ZNF883: variants seen among roughly 807,000 people sequenced by gnomAD.
The protein encoded by ZNF883 is zinc finger protein 883.
At chr9:112,991,489 GT>G in intron 1 of ZNF883, among the ~76,000 whole-genome samples, 1 of 151,642 alleles carries the variant, frequency 6.6e-6, no homozygotes, top group East Asian at 1.9e-4. Context: ...TTACTGAAGA[GT>G]GTTTTACTTC....
downstream of ZNF883, among the ~76,000 whole-genome samples, chr9:112,993,803 GC>G (rs1564331150): frequency 6.6e-6 from 1 of 152,202 alleles, no homozygotes; most frequent in Non-Finnish European, 1.5e-5. Flanking sequence ...ATTGATCAGG[GC>G]CTGGCCTAAA....
At chr9:113,008,836 C>T (rs1828502683) in intron 2 of ZNF883, among the ~76,000 whole-genome samples, 1 of 151,562 alleles carries the variant, frequency 6.6e-6, no homozygotes, top group South Asian at 2.1e-4. Context: ...CCTCCTGTTA[C>T]TATGGAGTAT....
intron 2 of ZNF883, among the ~76,000 whole-genome samples, chr9:113,005,895 T>C (rs1402477457): frequency 6.6e-6 from 1 of 152,160 alleles, no homozygotes; most frequent in Non-Finnish European, 1.5e-5. Context: ...AATGAGTGCA[T>C]GAACAGACTT....
chr9:112,990,958 C>G (rs1828296228), intron 1 of ZNF883, among the ~76,000 whole-genome samples: 1 of 152,092 alleles, frequency 6.6e-6, no homozygotes. Flanking sequence ...GGGGTGATAT[C>G]CCCTTTACCA....
At chr9:113,006,400 G>A (rs1284974495) in intron 2 of ZNF883, among the ~76,000 whole-genome samples, 1 of 152,114 alleles carries the variant, frequency 6.6e-6, no homozygotes, top group Non-Finnish European at 1.5e-5. Context: ...TGCTCCCCAT[G>A]CTACTATACA....
At chr9:112,997,887 A>C in exon 1 of ZNF883, 1 of 1,613,894 alleles carries the variant, frequency 6.2e-7, no homozygotes, top group East Asian at 2.2e-5. Flanking sequence ...TTACAAGGAT[A>C]GGGTTTTTCT....
At chr9:112,998,395 AT>A, upstream of ZNF883, 1 of 668,534 alleles carries the variant, frequency 1.5e-6, no homozygotes, top group Non-Finnish European at 2.2e-6. Context: ...CTAATAAATT[AT>A]TTTTCATTCA....
At chr9:112,990,387 T>G (rs1828290616) in intron 1 of ZNF883, among the ~76,000 whole-genome samples, 1 of 152,194 alleles carries the variant, frequency 6.6e-6, no homozygotes, top group South Asian at 2.1e-4. Context: ...GGTTTTTGTC[T>G]TTAGTTCTGT....
chr9:112,996,323 T>C (rs1264359674), downstream of ZNF883, among the ~76,000 whole-genome samples: 1 of 152,216 alleles, frequency 6.6e-6, no homozygotes, highest in Non-Finnish European at 1.5e-5. Context: ...AGTATCTTTG[T>C]GGGAGAAAAC....
At chr9:112,997,878 T>C in exon 1 of ZNF883, 2 of 1,613,774 alleles carry the variant, frequency 1.2e-6, no homozygotes, top group Non-Finnish European at 1.7e-6. Context: ...CCACATTCAT[T>C]ACAAGGATAG....
upstream of ZNF883, among the ~76,000 whole-genome samples, chr9:113,001,277 A>G (rs1828421020): frequency 6.6e-6 from 1 of 152,110 alleles, no homozygotes; most frequent in African/African-American, 2.4e-5. Flanking sequence ...AAAAGCAAGA[A>G]AACCTTTTTA....
exon 1 of ZNF883, chr9:112,997,448 C>G: frequency 6.2e-7 from 1 of 1,614,056 alleles, no homozygotes; most frequent in South Asian, 1.1e-5. Flanking sequence ...GAAGGTTTTT[C>G]CACATTCTTT....
chr9:113,001,755 A>G (rs189300065), upstream of ZNF883, among the ~76,000 whole-genome samples: 209 of 152,296 alleles, frequency 1.4e-3, 2 homozygotes, highest in African/African-American at 4.4e-3. Context: ...TTGGAAGATA[A>G]TATCAATGGA....
downstream of ZNF883, among the ~76,000 whole-genome samples, chr9:112,992,930 G>A (rs1022062274): frequency 1.6e-4 from 24 of 152,148 alleles, no homozygotes; most frequent in Non-Finnish European, 1.2e-4. Flanking sequence ...GGTCATTTAT[G>A]TTCCTCTCTA....
chr9:113,011,958 C>T (rs1022819802), intron 1 of ZNF883, among the ~76,000 whole-genome samples, 192 bp downstream of exon 1: 1 of 152,122 alleles, frequency 6.6e-6, no homozygotes, highest in Non-Finnish European at 1.5e-5. Context: ...GGGATGCTGG[C>T]CCAGGTCACC....
chr9:112,996,141 A>C (rs964205965), downstream of ZNF883, among the ~76,000 whole-genome samples: 1 of 152,128 alleles, frequency 6.6e-6, no homozygotes, highest in African/African-American at 2.4e-5. Context: ...AAATTTCTAA[A>C]TCATGTTGGG....
chr9:112,994,186 TGGTTTCCTG>T (rs1828327697), downstream of ZNF883, among the ~76,000 whole-genome samples: 1 of 152,158 alleles, frequency 6.6e-6, no homozygotes, highest in Non-Finnish European at 1.5e-5. Flanking sequence ...GGAAAAAGTG[TGGTTTCCTG>T]GGCAGGGTAG....
At chr9:112,991,622 C>T (rs1828304070) in intron 1 of ZNF883, among the ~76,000 whole-genome samples, 1 of 151,744 alleles carries the variant, frequency 6.6e-6, no homozygotes, top group South Asian at 2.1e-4. Flanking sequence ...GAGGTGAGTT[C>T]AAGTCCTGAA....
chr9:112,995,758 G>C (rs1357425324), downstream of ZNF883, among the ~76,000 whole-genome samples: 1 of 152,040 alleles, frequency 6.6e-6, no homozygotes, highest in East Asian at 1.9e-4. Context: ...TAGTCTAGAA[G>C]TTCTAAAATA....
Sources: gnomAD v4.1 joint callset for allele counts (sites outside exome capture counted in the v4.1 genomes callset) on GRCh38, gnomAD v4.1.1 for gene constraint, MANE v1.5 for transcripts, NCBI Gene and HGNC (gene_info 2026-07-23, HGNC 2026-07-21) for gene names.